The following TMCO1 variants were observed in gnomAD, a reference collection of about 807,000 sequenced individuals.
TMCO1 encodes transmembrane and coiled-coil domains 1.
In TMCO1, 29 loss-of-function variants were observed where a neutral mutation model predicts 29.3. The ratio of observed to expected loss-of-function variants is 0.99; its 90% confidence interval spans 0.74 to 1.35. TMCO1 has a LOEUF of 1.35. Among genes scored for constraint, TMCO1 ranks in the 40% most tolerant of loss-of-function variants. TMCO1 has a pLI of 0.00. For missense variants in TMCO1, 173 were observed against 225.5 expected, an observed-to-expected ratio of 0.77 and a Z score of 1.49; for synonymous variants, 80 against 77.1, an observed-to-expected ratio of 1.04 and a Z score of -0.20.
Position 165,768,692 on chromosome 1 carries a change from C to A in TMCO1, c.60G>T (p.Leu20=). 1 of 1,614,168 alleles carries A rather than the reference C, an allele frequency of 6.2e-7. No individual in the cohort carries two copies. The highest frequency in any genetic ancestry group is 1.7e-5 in the Admixed American group (1 of 60,026). ...AATACCCGCTCTCACCCTCTGCGAG[C>A]AGAGCCGTGCACACAGAGATAAAAA... The part of the protein sequence containing the change: ...LIVFISVCTA[L]LAEGITWVLV... The change falls in exon 1 of 7, where the codon CTG becomes CTT. Residue 20 remains leucine, a synonymous_variant. Transcript: ENST00000367881.
Position 165,728,084 on chromosome 1 carries a change from G to A in TMCO1, c.506C>T (p.Ala169Val). ...AAATCCACCTGCCTGCTTGGTGGCGGCTCGTGAAGGGGCAAGGCCGAGAAT... is the reference window on the plus strand; with the variant it reads ...AAATCCACCTGCCTGCTTGGTGGCGACTCGTGAAGGGGCAAGGCCGAGAAT... ...QKILGLAPSR[A>V]ATKQAGGFLG... Residue 169 changes from alanine (A) to valine (V), a missense_variant, in exon 7 of 7, where the codon GCC becomes GTC. By Grantham distance (64) the Ala-to-Val change is moderately conservative (BLOSUM62 0). Coordinates refer to ENST00000367881, the MANE Select transcript of TMCO1 (RefSeq NM_019026.6). The A allele has an allele frequency of 6.2e-7, 1 of 1,608,440 alleles. No homozygotes were observed. The highest frequency in any genetic ancestry group is 8.5e-7 in the Non-Finnish European group (1 of 1,176,320).
chr1:165,739,067 C>T (rs890467976), intron 6 of TMCO1, among the ~76,000 whole-genome samples: 3 of 152,172 alleles, frequency 2.0e-5, no homozygotes, highest in Non-Finnish European at 4.4e-5. Context: ...ATATATCCTC[C>T]TTAACTGAAA....
chr1:165,746,780 A>G (rs564794400), intron 5 of TMCO1, among the ~76,000 whole-genome samples: 17 of 152,226 alleles, frequency 1.1e-4, no homozygotes, highest in African/African-American at 4.1e-4. Flanking sequence ...TGGTTGTTCT[A>G]ATTCATTGCA....
chr1:165,768,673 C>G lies in TMCO1; in HGVS notation c.70+9G>C. The G allele has an allele frequency of 6.2e-7, 1 of 1,614,098 alleles. No individual in the cohort carries two copies. Among genetic ancestry groups the G allele is most frequent in the Non-Finnish European group, 8.5e-7 (1 of 1,180,024 alleles). Reference sequence around the variant, plus strand: ...ACTGATCAAACGTCTGAGAAATACCCGCTCTCACCCTCTGCGAGCAGAGCC... The same window carrying G: ...ACTGATCAAACGTCTGAGAAATACCGGCTCTCACCCTCTGCGAGCAGAGCC... On this transcript the variant is annotated intron_variant, in intron 1 of 6. Transcript: ENST00000367881.
chr1:165,724,875 A>T (rs895195992), downstream of TMCO1: 8 of 453,772 alleles, frequency 1.8e-5, no homozygotes, highest in African/African-American at 8.0e-5. Flanking sequence ...TTGCTTCAAA[A>T]TAATACAGAA....
downstream of TMCO1, chr1:165,724,387 T>C (rs1171421526): frequency 2.2e-6 from 1 of 453,986 alleles, no homozygotes; most frequent in Non-Finnish European, 4.4e-6. Context: ...CAGCATGCTA[T>C]CACCAAAATC....
intron 6 of TMCO1, among the ~76,000 whole-genome samples, chr1:165,731,706 C>T (rs983551720): frequency 6.6e-6 from 1 of 152,254 alleles, no homozygotes; most frequent in African/African-American, 2.4e-5. Context: ...GGGTAAGCCA[C>T]TGCTCTAGAC....
chr1:165,736,134 C>T (rs1651369162), intron 6 of TMCO1, among the ~76,000 whole-genome samples: 1 of 152,198 alleles, frequency 6.6e-6, no homozygotes, highest in South Asian at 2.1e-4. Context: ...AAGGCACTCT[C>T]TATGAACCAG....
rs71676015 is a variant in TMCO1, at chr1:165,736,728, A to AC, written c.468+6438_468+6439insG. Among the ~76,000 whole-genome samples, 47 of 141,178 alleles carry AC rather than the reference A, an allele frequency of 3.3e-4. 1 individual carries two copies. Among genetic ancestry groups the AC allele is most frequent in the East Asian group, 1.4e-3 (7 of 4,914 alleles). 92.6% of individuals were successfully genotyped at this position (141,178 alleles called of 152,430 possible). A position where few individuals can be genotyped will look rare whatever the true frequency, so the allele number is the denominator to read the frequency against. ...AGAGCAAGACTCCATCTCAAAAAAA[A>AC]AAAAAACAAAAAACAAAAAAAAGAG... On this transcript the variant is annotated intron_variant, in intron 6 of 6. Coordinates refer to ENST00000367881, the MANE Select transcript of TMCO1 (RefSeq NM_019026.6).
intron 5 of TMCO1, among the ~76,000 whole-genome samples, chr1:165,750,807 C>T (rs1318174083): frequency 2.0e-5 from 3 of 152,120 alleles, no homozygotes; most frequent in Non-Finnish European, 4.4e-5. Context: ...TGGTGGCTCA[C>T]GCCTGTAATC....
At position 165,759,006 on chromosome 1, in the gene TMCO1, A is replaced by T. The variant is rs542512407; in HGVS notation, c.208+519T>A. ...AAAAACAAATCATATACAATCCTTT[A>T]CGAATTGTCTTTTGGAAACAGAATT... On this transcript the variant is annotated intron_variant, in intron 3 of 6. Transcript: ENST00000367881. Among the ~76,000 whole-genome samples, 8 of 152,320 alleles carry T rather than the reference A, an allele frequency of 5.3e-5. No homozygotes were observed. In the East Asian group the frequency reaches 1.3e-3, roughly 26 times the overall value.
chr1:165,739,050 T>A (rs1571214733), intron 6 of TMCO1, among the ~76,000 whole-genome samples: 1 of 152,202 alleles, frequency 6.6e-6, no homozygotes, highest in East Asian at 1.9e-4. Context: ...AAATAAAAAG[T>A]GTTAGTATAT....
intron 2 of TMCO1, among the ~76,000 whole-genome samples, chr1:165,761,524 C>G (rs1013286847): frequency 1.3e-5 from 2 of 151,210 alleles, no homozygotes; most frequent in African/African-American, 4.9e-5. Flanking sequence ...GAGAGCGAGA[C>G]CCTGTCGCCA....
intron 5 of TMCO1, among the ~76,000 whole-genome samples, chr1:165,750,575 C>T (rs1409605463): frequency 2.6e-5 from 4 of 151,040 alleles, no homozygotes; most frequent in Non-Finnish European, 5.9e-5. Flanking sequence ...AAAGTACATC[C>T]ATTCAATGGA....
chr1:165,760,535 G>A (rs575083739), intron 2 of TMCO1, among the ~76,000 whole-genome samples: 25 of 152,120 alleles, frequency 1.6e-4, no homozygotes, highest in African/African-American at 5.5e-4. Context: ...CGGGTGCAGC[G>A]GCTCACACCT....
intron 2 of TMCO1, among the ~76,000 whole-genome samples, chr1:165,766,617 A>G (rs1026940901): frequency 6.6e-5 from 10 of 152,052 alleles, no homozygotes; most frequent in Admixed American, 4.6e-4. Context: ...ACAAGACCTC[A>G]TCTCTCCAAA....
intron 6 of TMCO1, among the ~76,000 whole-genome samples, chr1:165,730,355 C>A (rs200155552): frequency 6.0e-5 from 9 of 150,566 alleles, no homozygotes; most frequent in African/African-American, 7.3e-5. Context: ...CAAAACAAAA[C>A]AAAAAAAAAA....
chr1:165,733,791 C>T (rs1167209940), intron 6 of TMCO1, among the ~76,000 whole-genome samples: 1 of 152,074 alleles, frequency 6.6e-6, no homozygotes, highest in Admixed American at 6.5e-5. Context: ...AGAATGTATA[C>T]CCAGAAGAGA....
At chr1:165,728,237 G>T in intron 6 of TMCO1, 116 bp from the exon 7 acceptor site, 1 of 730,452 alleles carries the variant, frequency 1.4e-6, no homozygotes, top group East Asian at 3.4e-5. Context: ...GAACCATTAT[G>T]ACCTGCAATA....
Sources: allele counts gnomAD v4.1 joint callset (sites outside exome capture counted in the v4.1 genomes callset), GRCh38; gene constraint gnomAD v4.1.1; transcripts MANE v1.5; gene names NCBI Gene and HGNC (gene_info 2026-07-23, HGNC 2026-07-21).